B4GALNT4: variants seen among roughly 807,000 people sequenced by gnomAD.
The protein encoded by B4GALNT4 is beta-1,4-N-acetyl-galactosaminyltransferase 4, also known as N-acetyl-beta-glucosaminyl-glycoprotein 4-beta-N-acetylgalactosaminyltransferase 1.
In B4GALNT4, 77 loss-of-function variants were observed where a neutral mutation model predicts 110.0. That is an observed-to-expected ratio of 0.70 (90% CI 0.58 to 0.85). The LOEUF (loss-of-function observed/expected upper bound fraction) is 0.85. Among genes scored for constraint, B4GALNT4 ranks in the 40% least tolerant of loss-of-function variants. The pLI, the probability that B4GALNT4 is intolerant of heterozygous loss-of-function variation, is 0.00. For missense variants in B4GALNT4, 1,575 were observed against 1,506.0 expected, an observed-to-expected ratio of 1.05 and a Z score of -0.76; for synonymous variants, 785 against 655.5, an observed-to-expected ratio of 1.20 and a Z score of -3.02.
chr11:372,309 G>A (rs747106529), intron 2 of B4GALNT4, 97 bp downstream of exon 2: 17 of 1,104,908 alleles, frequency 1.5e-5, no homozygotes, highest in African/African-American at 3.1e-5. Context: ...TCTGGAGGAC[G>A]CAGCAGGGGG....
chr11:375,381 G>A, intron 8 of B4GALNT4, 80 bp from the exon 9 acceptor site: 1 of 1,450,832 alleles, frequency 6.9e-7, no homozygotes, highest in Non-Finnish European at 9.6e-7. Context: ...TAGTCCCCCG[G>A]CCCTGAGCCA....
intron 6 of B4GALNT4, 34 bp from the exon 7 acceptor site, chr11:373,415 C>CT (rs773928355): frequency 1.7e-6 from 2 of 1,154,272 alleles, no homozygotes; most frequent in Non-Finnish European, 2.5e-6. Flanking sequence ...TGAACCCCCC[C>CT]CCCCACCACC....
At chr11:376,395 G>T (rs1473601223) in intron 13 of B4GALNT4, 26 bp from the exon 14 acceptor site, 1 of 1,602,924 alleles carries the variant, frequency 6.2e-7, no homozygotes, top group South Asian at 1.1e-5. Flanking sequence ...CCTGCGCAGG[G>T]AGCTTCTAAC....
In B4GALNT4 at chr11:372,148, T is replaced by C. The variant is rs748055483; in HGVS notation, c.191T>C (p.Val64Ala). The C allele has an allele frequency of 1.4e-5, 21 of 1,549,056 alleles. No individual in the cohort carries two copies. Among genetic ancestry groups the C allele is most frequent in the Non-Finnish European group, 1.7e-5 (20 of 1,146,622 alleles). ...ACCAGTGAGACCGACGGCCGGGGGG[T>C]CCACGCTGCGCCATCCACACAGAGG... is the stretch of plus-strand genomic sequence containing the variant. ...KLTSETDGRG[V>A]HAAPSTQRAE... The change falls in exon 2 of 20, where the codon GTC (valine) becomes GCC (alanine). Residue 64 changes from valine to alanine, a missense_variant. By Grantham distance (64) the Val-to-Ala change is moderately conservative (BLOSUM62 0). Coordinates refer to ENST00000329962, the MANE Select transcript of B4GALNT4 (RefSeq NM_178537.5).
At position 376,696 on chromosome 11, in the gene B4GALNT4, G is replaced by A; in HGVS notation, c.1573G>A (p.Val525Met). The change falls in exon 14 of 20, where the codon GTG becomes ATG. Residue 525 changes from valine to methionine, a missense_variant. By Grantham distance (21) the Val-to-Met change is conservative. Transcript: ENST00000329962. ...RPAVEQPPPKVYVTRVRPGQR... is the reference protein window; with the variant it reads ...RPAVEQPPPKMYVTRVRPGQR... ...TGCAGTGGAGCAGCCGCCCCCAAAG[G>A]TGTACGTGACCAGGGTGCGGCCGGG... 2.8e-6 allele frequency: 4 copies of A among 1,423,600 alleles called. No individual in the cohort carries two copies. In the South Asian group the frequency reaches 4.1e-5, roughly 15 times the overall value. The allele number at this position is 1,423,600 out of a possible 1,614,324, so 88.2% of individuals were successfully genotyped here.
At position 372,217 on chromosome 11, in the gene B4GALNT4, G is replaced by GC; in HGVS notation, c.255+6dup. On this transcript the variant is annotated splice_donor_region_variant and intron_variant, in intron 2 of 19. Transcript: ENST00000329962. ...AGCCGTGAAGAGGAGCAAGCGGTGA[G>GC]CAGAGCCCTGGGGAGAACACGTGTG... 6.5e-7 allele frequency: 1 copy of GC among 1,549,906 alleles called. No individual in the cohort carries two copies. Among genetic ancestry groups the GC allele is most frequent in the Non-Finnish European group, 8.7e-7 (1 of 1,146,600 alleles).
chr11:374,630 G>C (rs528224910), intron 8 of B4GALNT4, among the ~76,000 whole-genome samples: 1 of 89,518 alleles, frequency 1.1e-5, no homozygotes, highest in Non-Finnish European at 2.3e-5. Context: ...GGCCAGCAGT[G>C]ACCCTCACTG....
intron 14 of B4GALNT4, among the ~76,000 whole-genome samples, chr11:378,333 G>A (rs1846802797): frequency 6.6e-6 from 1 of 152,192 alleles, no homozygotes; most frequent in Admixed American, 6.5e-5. Context: ...CTGGGCGGTG[G>A]GTGCTGGATT....
In B4GALNT4 at chr11:376,664, C is replaced by A; in HGVS notation, c.1541C>A (p.Pro514Gln). 1 of 1,429,764 alleles carries A rather than the reference C, an allele frequency of 7.0e-7. No individual in the cohort carries two copies. Among genetic ancestry groups the A allele is most frequent in the Non-Finnish European group, 9.1e-7 (1 of 1,094,960 alleles). 88.6% of individuals were successfully genotyped at this position (1,429,764 alleles called of 1,614,324 possible). The part of the protein sequence containing the change: ...LPLFLGRAPP[P>Q]RPAVEQPPPK... ...CTCTTCTTGGGCCGAGCTCCGCCCCCGCGCCCTGCAGTGGAGCAGCCGCCC... is the reference window on the plus strand; with the variant it reads ...CTCTTCTTGGGCCGAGCTCCGCCCCAGCGCCCTGCAGTGGAGCAGCCGCCC... The change falls in exon 14 of 20, where the codon CCG (proline) becomes CAG (glutamine). Residue 514 changes from proline (P) to glutamine (Q), a missense_variant. By Grantham distance (76) the Pro-to-Gln change is moderately conservative. Transcript: ENST00000329962.
At position 380,279 on chromosome 11, in the gene B4GALNT4, C is replaced by T. The variant is rs758763179; in HGVS notation, c.2716-13C>T. Reference sequence around the variant, plus strand: ...GAGCGGAGGGCGGGGCTCAGACCTCCCGCACCCCCCAGGACGCCAGCAGCA... The same window carrying T: ...GAGCGGAGGGCGGGGCTCAGACCTCTCGCACCCCCCAGGACGCCAGCAGCA... On this transcript the variant is annotated splice_polypyrimidine_tract_variant and intron_variant, in intron 17 of 19. Coordinates refer to ENST00000329962, the MANE Select transcript of B4GALNT4 (RefSeq NM_178537.5). 1 of 1,612,254 alleles carries T rather than the reference C, an allele frequency of 6.2e-7. No individual in the cohort carries two copies. Among genetic ancestry groups the T allele is most frequent in the Admixed American group, 1.7e-5 (1 of 59,954 alleles).
At chr11:380,992 CT>C (rs1846864736) in intron 19 of B4GALNT4, 41 bp downstream of exon 19, 1 of 1,589,700 alleles carries the variant, frequency 6.3e-7, no homozygotes. Flanking sequence ...ACCCTGACCC[CT>C]GCGTCCTCCT....
At position 372,903 on chromosome 11, in the gene B4GALNT4, G is replaced by C; in HGVS notation, c.400G>C (p.Val134Leu). 6.2e-7 allele frequency: 1 copy of C among 1,612,202 alleles called. No individual in the cohort carries two copies. The highest frequency in any genetic ancestry group is 1.7e-5 in the Admixed American group (1 of 59,986). Residue 134 changes from valine (V) to leucine (L), a missense_variant, in exon 4 of 20, where the codon GTG becomes CTG. Physicochemically the swap from Val to Leu is conservative, Grantham distance 32. Coordinates refer to ENST00000329962, the MANE Select transcript of B4GALNT4 (RefSeq NM_178537.5). ...HVFEDWCGGA[V>L]GHLRRNLHFP... ...GTTTGAGGACTGGTGTGGGGGCGCC[G>C]TGGGCCACCTGAGGAGGAACCTGCA... is the stretch of plus-strand genomic sequence containing the variant.
intron 19 of B4GALNT4, 21 bp downstream of exon 19, chr11:380,972 C>T (rs1846864393): frequency 6.2e-7 from 1 of 1,607,086 alleles, no homozygotes; most frequent in Non-Finnish European, 8.5e-7. Context: ...CCCCACTCCC[C>T]AGAGGTGACA....
chr11:380,515 C>G (rs1312378684), intron 18 of B4GALNT4, 70 bp downstream of exon 18: 3 of 1,525,078 alleles, frequency 2.0e-6, no homozygotes, highest in Non-Finnish European at 2.6e-6. Context: ...GTCCAGGAAC[C>G]CGGGGCCTCT....
rs1278309207 is a variant in B4GALNT4 at position 375,853 on chromosome 11, G to C, written c.992G>C (p.Arg331Pro). 7 of 1,609,780 alleles carry C rather than the reference G, an allele frequency of 4.3e-6. No homozygotes were observed. Among genetic ancestry groups the C allele is most frequent in the East Asian group, 4.5e-5 (2 of 44,758 alleles). The change falls in exon 11 of 20, where the codon CGC (arginine) becomes CCC (proline). Residue 331 changes from arginine (R) to proline (P), a missense_variant. By Grantham distance (103) the Arg-to-Pro change is moderately radical. Transcript: ENST00000329962. ...GTGACCGCACCTCCTGCAGCTCCAC[G>C]CATGGAATCTTCGAGCCTGGAGAAC... ...DPRDTFFLTPRMESSSLENVL... is the reference protein window; with the variant it reads ...DPRDTFFLTPPMESSSLENVL...
rs760432344 is a variant in B4GALNT4 at position 369,844 on chromosome 11, A to AGCTGCTGCT, written c.58_66dup (p.Leu20_Leu22dup). On this transcript the variant is annotated inframe_insertion, in exon 1 of 20. Coordinates refer to ENST00000329962, the MANE Select transcript of B4GALNT4 (RefSeq NM_178537.5). Reference sequence around the variant, plus strand: ...GTGAAGAAGATCCGTAAGCAGATGAAGCTGCTGCTGCTGCTGCTGCTGCTG... The same window carrying AGCTGCTGCT: ...GTGAAGAAGATCCGTAAGCAGATGAAGCTGCTGCTGCTGCTGCTGCTGCTGCTGCTGCTG... 5.0e-6 allele frequency: 5 copies of AGCTGCTGCT among 990,362 alleles called. No individual in the cohort carries two copies. Among genetic ancestry groups the AGCTGCTGCT allele is most frequent in the Admixed American group, 6.3e-5 (1 of 15,934 alleles). 61.3% of individuals were successfully genotyped at this position (990,362 alleles called of 1,614,324 possible). A position where few individuals can be genotyped will look rare whatever the true frequency, so the allele number is the denominator to read the frequency against.
Position 375,857 on chromosome 11 carries a change from G to T in B4GALNT4, c.996G>T (p.Met332Ile). Residue 332 changes from methionine to isoleucine, a missense_variant, in exon 11 of 20, where the codon ATG becomes ATT. Physicochemically the swap from Met to Ile is conservative, Grantham distance 10. Transcript: ENST00000329962. Reference protein sequence around the residue: ...PRDTFFLTPRMESSSLENVLE... With the variant: ...PRDTFFLTPRIESSSLENVLE... ...CCGCACCTCCTGCAGCTCCACGCAT[G>T]GAATCTTCGAGCCTGGAGAACGTGC... The T allele has an allele frequency of 1.2e-6, 2 of 1,610,298 alleles. No homozygotes were observed. Among genetic ancestry groups the T allele is most frequent in the South Asian group, 2.2e-5 (2 of 90,842 alleles).
At chr11:380,617 C>A in intron 18 of B4GALNT4, 172 bp downstream of exon 18, 2 of 1,251,876 alleles carry the variant, frequency 1.6e-6, no homozygotes, top group Non-Finnish European at 1.1e-6. Flanking sequence ...CAGGGCCATG[C>A]CAGGGGCCCC....
chr11:376,066 C>A lies in B4GALNT4; in HGVS notation c.1096-8C>A, dbSNP rs1435275121. 7 of 1,602,366 alleles carry A rather than the reference C, an allele frequency of 4.4e-6. No homozygotes were observed. Among genetic ancestry groups the A allele is most frequent in the African/African-American group, 4.0e-5 (3 of 74,640 alleles). On this transcript the variant is annotated splice_region_variant and splice_polypyrimidine_tract_variant and intron_variant, in intron 11 of 19. Transcript: ENST00000329962. ...GCGCCCTGAGCCCTGCGCCCCCCCA[C>A]CCCCCAGGTGTACCTGTCCTTCGTT...
Sources: gnomAD v4.1 joint callset for allele counts (sites outside exome capture counted in the v4.1 genomes callset) on GRCh38, gnomAD v4.1.1 for gene constraint, MANE v1.5 for transcripts, NCBI Gene and HGNC (gene_info 2026-07-23, HGNC 2026-07-21) for gene names.